The following SCN11A variants were observed in gnomAD, a reference collection of about 807,000 sequenced individuals.
SCN11A encodes the protein sodium voltage-gated channel alpha subunit 11.
SCN11A carries 122 observed loss-of-function variants against 162.2 expected under a neutral mutation model. The observed-to-expected ratio is 0.75, with a 90% confidence interval of 0.65 to 0.87. The LOEUF is 0.87. SCN11A is among the 40% of genes least tolerant of loss of function. SCN11A has a pLI of 0.00. For synonymous variants in SCN11A, 758 were observed against 751.5 expected (o/e 1.01, Z -0.14); for missense variants, 2,015 against 2,181.6 (o/e 0.92, Z 1.52).
intron 6 of SCN11A, among the ~76,000 whole-genome samples, chr3:38,945,958 G>C (rs1017565089): frequency 6.6e-6 from 1 of 151,602 alleles, no homozygotes; most frequent in Admixed American, 6.6e-5. Context: ...CTGCTTCTAG[G>C]GAACCAAACC....
chr3:39,048,279 A>G (rs941970807), intron 1 of SCN11A, among the ~76,000 whole-genome samples: 8 of 152,256 alleles, frequency 5.3e-5, no homozygotes, highest in African/African-American at 1.9e-4. Flanking sequence ...AAAGATAAAT[A>G]CTGCATGTTC....
intron 1 of SCN11A, among the ~76,000 whole-genome samples, chr3:39,041,492 T>C (rs2032048166): frequency 6.6e-6 from 1 of 152,150 alleles, no homozygotes; most frequent in South Asian, 2.1e-4. Flanking sequence ...AAATCCCCAT[T>C]AGACTAACAG....
chr3:38,920,703 A>G (rs2066035173), intron 10 of SCN11A, among the ~76,000 whole-genome samples: 1 of 151,824 alleles, frequency 6.6e-6, no homozygotes, highest in Admixed American at 6.6e-5. Flanking sequence ...AAAAAAAAAA[A>G]AGACGTGTCA....
At chr3:39,020,036 CTCTG>C (rs1385105796) in intron 2 of SCN11A, among the ~76,000 whole-genome samples, 1 of 152,142 alleles carries the variant, frequency 6.6e-6, no homozygotes, top group East Asian at 1.9e-4. Context: ...TACATCCCTG[CTCTG>C]TCTTTTTCTG....
chr3:39,011,584 T>C (rs912027526), intron 2 of SCN11A, among the ~76,000 whole-genome samples: 7 of 152,228 alleles, frequency 4.6e-5, no homozygotes, highest in African/African-American at 1.7e-4. Context: ...TAAGATATTA[T>C]CTTTAGTTTC....
chr3:38,978,474 C>T lies in SCN11A; in HGVS notation c.-279-18051G>A, dbSNP rs1174176572. Among the ~76,000 whole-genome samples, 8 of 151,944 alleles carry T rather than the reference C, an allele frequency of 5.3e-5. No homozygotes were observed. The East Asian group carries it at 1.2e-3, about 22-fold the overall frequency. ...CAGTCTGGCCAACATGGTGAAACCTCGTTTCTACTAAAAATACAAAAATTA... is the reference window on the plus strand; with the variant it reads ...CAGTCTGGCCAACATGGTGAAACCTTGTTTCTACTAAAAATACAAAAATTA... On this transcript the variant is annotated intron_variant, in intron 2 of 29. Coordinates refer to ENST00000302328, the MANE Select transcript of SCN11A (RefSeq NM_001349253.2).
chr3:38,862,292 A>T (rs2064976780), intron 28 of SCN11A, among the ~76,000 whole-genome samples: 1 of 152,156 alleles, frequency 6.6e-6, no homozygotes, highest in Non-Finnish European at 1.5e-5. Context: ...TGTTGGTGGG[A>T]ATATAAACTA....
intron 3 of SCN11A, among the ~76,000 whole-genome samples, chr3:38,959,743 A>G (rs185931715): frequency 6.6e-6 from 1 of 152,346 alleles, no homozygotes; most frequent in East Asian, 1.9e-4. Flanking sequence ...CAAAAAAAAG[A>G]TATCTCTTTC....
chr3:38,866,985 G>A (rs1409192771), intron 27 of SCN11A, among the ~76,000 whole-genome samples: 3 of 152,156 alleles, frequency 2.0e-5, no homozygotes, highest in African/African-American at 7.2e-5. Flanking sequence ...ATTAAAATAT[G>A]ACCCTAGTGT....
rs751678246 is a variant in SCN11A at position 38,899,881 on chromosome 3, G to GA, written c.2022+12dup. Reference sequence around the variant, plus strand: ...CAGCTACGTTTATGCAGTAAAATAAGAAAGTGCCTTACCACTCTGAAGGAA... The same window carrying GA: ...CAGCTACGTTTATGCAGTAAAATAAGAAAAGTGCCTTACCACTCTGAAGGAA... On this transcript the variant is annotated intron_variant, in intron 17 of 29. Transcript: ENST00000302328. 20 of 1,607,282 alleles carry GA rather than the reference G, an allele frequency of 1.2e-5. No homozygotes were observed. Among genetic ancestry groups the GA allele is most frequent in the Admixed American group, 5.1e-5 (3 of 59,292 alleles).
intron 9 of SCN11A, among the ~76,000 whole-genome samples, chr3:38,925,048 T>C (rs573690805): frequency 4.7e-4 from 72 of 152,298 alleles, no homozygotes; most frequent in African/African-American, 1.7e-3. Context: ...CCCTGTACCC[T>C]GTGACTTCCC....
chr3:38,881,023 C>T (rs2065300213), intron 22 of SCN11A, among the ~76,000 whole-genome samples: 1 of 152,174 alleles, frequency 6.6e-6, no homozygotes, highest in South Asian at 2.1e-4. Flanking sequence ...CCCACAGCTC[C>T]AAAGTCCTGG....
intron 27 of SCN11A, among the ~76,000 whole-genome samples, chr3:38,865,797 T>C (rs2065030149): frequency 6.6e-6 from 1 of 152,172 alleles, no homozygotes; most frequent in South Asian, 2.1e-4. Context: ...GAAATACTTG[T>C]GGCCATCAAC....
At chr3:39,034,167 C>CAAAACAAAACAAACAA (rs139670020) in intron 1 of SCN11A, among the ~76,000 whole-genome samples, 4,335 of 151,822 alleles carry the variant, frequency 0.029, 208 homozygotes, top group African/African-American at 0.099. Flanking sequence ...ATCTCAAAAA[C>CAAAACAAAACAAACAA]AAAACAAAAC....
At chr3:39,051,245 T>C (rs550483923) in intron 1 of SCN11A, among the ~76,000 whole-genome samples, 1 of 152,184 alleles carries the variant, frequency 6.6e-6, no homozygotes, top group African/African-American at 2.4e-5. Context: ...TAGTACCCAT[T>C]AGTTATTTTT....
intron 2 of SCN11A, among the ~76,000 whole-genome samples, chr3:39,016,774 T>A (rs1003619321): frequency 6.6e-6 from 1 of 152,094 alleles, no homozygotes; most frequent in Non-Finnish European, 1.5e-5. Context: ...GGCTAATTTT[T>A]GTATTTTTGG....
chr3:39,041,887 G>GA (rs1431671316), intron 1 of SCN11A, among the ~76,000 whole-genome samples: 2 of 152,090 alleles, frequency 1.3e-5, no homozygotes, highest in African/African-American at 4.8e-5. Flanking sequence ...CAATATGACA[G>GA]AAAAAATATC....
At position 38,846,134 on chromosome 3, in the gene SCN11A, A is replaced by C. The variant is rs1219981396; in HGVS notation, c.*560T>G. ...CATGTTTCTTTTCTTTTCTTTTTTG[A>C]AACAGAGTCTCACTCTGTCACCAGG... is the stretch of plus-strand genomic sequence containing the variant. On this transcript the variant is annotated 3_prime_UTR_variant, in exon 30 of 30. Coordinates refer to ENST00000302328, the MANE Select transcript of SCN11A (RefSeq NM_001349253.2). 1.3e-5 allele frequency: 2 copies of C among 152,126 alleles called. No individual in the cohort carries two copies. Among genetic ancestry groups the C allele is most frequent in the Non-Finnish European group, 2.9e-5 (2 of 68,080 alleles). The allele number at this position is 152,126 out of a possible 1,614,324, so 9.4% of individuals were successfully genotyped here.
At chr3:38,995,314 G>T (rs1231762967) in intron 2 of SCN11A, among the ~76,000 whole-genome samples, 1 of 152,166 alleles carries the variant, frequency 6.6e-6, no homozygotes, top group East Asian at 1.9e-4. Flanking sequence ...TAGAGACAGG[G>T]TTTCACCATG....
Sources: gnomAD v4.1 joint callset for allele counts (sites outside exome capture counted in the v4.1 genomes callset) on GRCh38, gnomAD v4.1.1 for gene constraint, MANE v1.5 for transcripts, NCBI Gene and HGNC (gene_info 2026-07-23, HGNC 2026-07-21) for gene names.